TMEM117: variants seen among roughly 807,000 people sequenced by gnomAD.
TMEM117 encodes transmembrane protein 117.
In TMEM117, 27 loss-of-function variants were observed where a neutral mutation model predicts 52.4. The observed-to-expected ratio is 0.51, with a 90% CI of 0.38 to 0.71. The LOEUF (loss-of-function observed/expected upper bound fraction) is 0.71, where lower values mean the gene tolerates loss of function less well. Among genes scored for constraint, TMEM117 ranks in the 30% least tolerant of loss-of-function variants. The pLI, the probability that TMEM117 is intolerant of heterozygous loss-of-function variation, is 0.00. For missense variants in TMEM117, 556 were observed against 630.5 expected (o/e 0.88, Z 1.26); for synonymous variants, 215 against 206.3 (o/e 1.04, Z -0.36).
chr12:43,882,917 G>A (rs552128693), intron 2 of TMEM117, among the ~76,000 whole-genome samples: 1 of 152,290 alleles, frequency 6.6e-6, no homozygotes, highest in Admixed American at 6.5e-5. Flanking sequence ...TTTTATAATT[G>A]AAGCTCATCT....
At chr12:44,203,960 T>A (rs890073227) in intron 4 of TMEM117, among the ~76,000 whole-genome samples, 1 of 152,166 alleles carries the variant, frequency 6.6e-6, no homozygotes, top group Non-Finnish European at 1.5e-5. Context: ...CACAGCTAAC[T>A]TCATGCTTAA....
intron 3 of TMEM117, among the ~76,000 whole-genome samples, chr12:44,106,113 T>G (rs1434916753): frequency 6.6e-6 from 1 of 152,048 alleles, no homozygotes; most frequent in African/African-American, 2.4e-5. Flanking sequence ...CAATTTTCTG[T>G]ATTCACCTGT....
At chr12:43,805,582 G>A in the TMEM117 span, 2 of 466,484 alleles carry the variant, frequency 4.3e-6, no homozygotes, top group South Asian at 1.5e-5. Context: ...ACTGCATATT[G>A]AACTGTCTGC....
intron 6 of TMEM117, among the ~76,000 whole-genome samples, chr12:44,332,597 G>A (rs934461822): frequency 2.6e-5 from 4 of 151,872 alleles, no homozygotes; most frequent in African/African-American, 9.7e-5. Context: ...GAATTTCATA[G>A]AATTAGGAGA....
chr12:44,070,692 C>A (rs549645348), intron 3 of TMEM117, among the ~76,000 whole-genome samples: 50 of 152,298 alleles, frequency 3.3e-4, no homozygotes, highest in African/African-American at 1.1e-3. Context: ...GATGACAGGG[C>A]AGAGACTAAC....
chr12:43,819,142 G>T, the TMEM117 span, among the ~76,000 whole-genome samples: 1 of 152,280 alleles, frequency 6.6e-6, no homozygotes, highest in Non-Finnish European at 1.5e-5. Context: ...GGAGGGATTT[G>T]TTGAACCAGT....
chr12:44,020,181 C>T lies in TMEM117; in HGVS notation c.410+75839C>T, dbSNP rs938062005. ...ATGATATCTTTAATAAAAGAAATAA[C>T]TCTTTCAATGAAAATAATATGGTCT... On this transcript the variant is annotated intron_variant, in intron 3 of 7. Transcript: ENST00000266534. Among the ~76,000 whole-genome samples, 9 of 152,218 alleles carry T rather than the reference C, an allele frequency of 5.9e-5. No individual in the cohort carries two copies. The East Asian group carries it at 1.7e-3, about 29-fold the overall frequency.
chr12:44,003,542 C>T (rs904133179), intron 3 of TMEM117, among the ~76,000 whole-genome samples: 3 of 152,198 alleles, frequency 2.0e-5, no homozygotes, highest in Admixed American at 6.5e-5. Flanking sequence ...ACCCACACCC[C>T]CTCACACTTG....
intron 3 of TMEM117, among the ~76,000 whole-genome samples, chr12:43,945,896 A>T (rs896295516): frequency 6.6e-6 from 1 of 152,150 alleles, no homozygotes. Context: ...CAGTACTGAG[A>T]GGGAAGCTCA....
intron 2 of TMEM117, among the ~76,000 whole-genome samples, chr12:43,900,117 A>G (rs1944279275): frequency 6.6e-6 from 1 of 152,208 alleles, no homozygotes; most frequent in South Asian, 2.1e-4. Flanking sequence ...CCTCCAAACT[A>G]CAGTAAAAAT....
chr12:43,919,671 A>G (rs2137552397), intron 2 of TMEM117, among the ~76,000 whole-genome samples: 1 of 152,200 alleles, frequency 6.6e-6, no homozygotes, highest in South Asian at 2.1e-4. Context: ...CAGAAATTCA[A>G]TAGCTAGGTC....
At chr12:44,071,188 A>G (rs1374556505) in intron 3 of TMEM117, among the ~76,000 whole-genome samples, 1 of 152,166 alleles carries the variant, frequency 6.6e-6, no homozygotes, top group Non-Finnish European at 1.5e-5. Context: ...GGGTTTCCAA[A>G]TAGCTCTGGG....
chr12:43,880,194 TA>T, intron 2 of TMEM117, among the ~76,000 whole-genome samples: 1 of 152,318 alleles, frequency 6.6e-6, no homozygotes, highest in Middle Eastern at 3.4e-3. Flanking sequence ...TAGGAGGATG[TA>T]AAGGCTCCTA....
chr12:44,122,620 A>G (rs1181755281), intron 3 of TMEM117, among the ~76,000 whole-genome samples: 1 of 152,096 alleles, frequency 6.6e-6, no homozygotes, highest in Non-Finnish European at 1.5e-5. Flanking sequence ...GTGTCCATGC[A>G]TTCTCATCAT....
intron 5 of TMEM117, among the ~76,000 whole-genome samples, chr12:44,246,524 T>C (rs899901878): frequency 6.6e-6 from 1 of 152,206 alleles, no homozygotes; most frequent in Admixed American, 6.5e-5. Flanking sequence ...GATAAGATGT[T>C]TAGTGTCATC....
At chr12:43,917,217 A>G (rs954291815) in intron 2 of TMEM117, among the ~76,000 whole-genome samples, 2 of 118,850 alleles carry the variant, frequency 1.7e-5, no homozygotes, top group Non-Finnish European at 3.3e-5. Context: ...AGATAGTGAG[A>G]GCCTCATCTC....
intron 3 of TMEM117, among the ~76,000 whole-genome samples, chr12:44,083,333 C>A (rs1039750877): frequency 3.3e-5 from 5 of 150,028 alleles, no homozygotes; most frequent in African/African-American, 1.2e-4. Context: ...TACACTATTC[C>A]TGGCAATATT....
chr12:44,310,875 T>C (rs745870048), intron 6 of TMEM117, among the ~76,000 whole-genome samples: 6 of 152,164 alleles, frequency 3.9e-5, no homozygotes, highest in Non-Finnish European at 8.8e-5. Context: ...TGAGAATCAC[T>C]AGGGGATTCT....
At chr12:43,852,396 A>T (rs1943325811) in intron 2 of TMEM117, among the ~76,000 whole-genome samples, 1 of 151,786 alleles carries the variant, frequency 6.6e-6, no homozygotes, top group East Asian at 1.9e-4. Context: ...ACGCCACTGC[A>T]CTCCAACCTG....
Sources: allele counts gnomAD v4.1 joint callset (sites outside exome capture counted in the v4.1 genomes callset), GRCh38; gene constraint gnomAD v4.1.1; transcripts MANE v1.5; gene names NCBI Gene and HGNC (gene_info 2026-07-23, HGNC 2026-07-21).